Variants in TPRG1 observed in about 807,000 individuals in gnomAD.
The protein encoded by TPRG1 is tumor protein p63 regulated 1, also known as tumor protein p63-regulated gene 1 protein.
TPRG1 carries 29 observed loss-of-function variants against 29.3 expected under a neutral mutation model. That is an observed-to-expected ratio of 0.99 (90% CI 0.74 to 1.35). The LOEUF is 1.35. TPRG1 is among the 40% of genes most tolerant of loss of function. The pLI is 0.00. For synonymous variants in TPRG1, 130 were observed against 116.8 expected, an observed-to-expected ratio of 1.11 and a Z score of -0.73; for missense variants, 327 against 335.0, an observed-to-expected ratio of 0.98 and a Z score of 0.19.
At chr3:189,127,653 G>A (rs1722640004) in intron 2 of TPRG1, among the ~76,000 whole-genome samples, 3 of 152,146 alleles carry the variant, frequency 2.0e-5, no homozygotes, top group Non-Finnish European at 4.4e-5. Context: ...AGGTCTTAAG[G>A]TCTTTTTATA....
upstream of TPRG1, among the ~76,000 whole-genome samples, chr3:189,097,974 C>T (rs113127453): frequency 2.0e-5 from 3 of 152,294 alleles, no homozygotes; most frequent in African/African-American, 7.2e-5. Context: ...TGTACTAGAT[C>T]TATACCGAAG....
intron 1 of TPRG1, among the ~76,000 whole-genome samples, chr3:189,191,770 C>A (rs1347002064): frequency 6.6e-6 from 1 of 152,170 alleles, no homozygotes; most frequent in Non-Finnish European, 1.5e-5. Flanking sequence ...TCTTGTTCCA[C>A]CCCTTTTGAA....
chr3:189,139,251 T>C (rs960692311), intron 3 of TPRG1, among the ~76,000 whole-genome samples: 6 of 152,200 alleles, frequency 3.9e-5, no homozygotes, highest in South Asian at 4.1e-4. Flanking sequence ...AAGAGATGCA[T>C]CTGCCACTGA....
chr3:189,204,947 T>TCTCTCACACACACA lies in TPRG1; in HGVS notation c.-9-2428_-9-2427insTCTCACACACACAC, dbSNP rs766857963. Among the ~76,000 whole-genome samples, 4 of 147,178 alleles carry TCTCTCACACACACA rather than the reference T, an allele frequency of 2.7e-5. No homozygotes were observed. In the South Asian group the frequency reaches 6.7e-4, roughly 24 times the overall value. On this transcript the variant is annotated intron_variant, in intron 1 of 5. Coordinates refer to ENST00000345063, the MANE Select transcript of TPRG1 (RefSeq NM_198485.4). ...CTGTCTCTATGTCTCTCTCTCTCTCTCACACACACACACACACACACACAC... is the reference window on the plus strand; with the variant it reads ...CTGTCTCTATGTCTCTCTCTCTCTCTCTCTCACACACACACACACACACACACACACACACACAC...
chr3:189,087,566 C>T (rs931051873), intron 4 of TPRG1, among the ~76,000 whole-genome samples: 3 of 152,206 alleles, frequency 2.0e-5, no homozygotes, highest in Non-Finnish European at 4.4e-5. Context: ...GTGTTTTAGA[C>T]ATTAAGTACT....
intron 4 of TPRG1, among the ~76,000 whole-genome samples, chr3:189,240,973 C>T (rs1401813255): frequency 1.3e-5 from 2 of 152,026 alleles, no homozygotes; most frequent in African/African-American, 4.8e-5. Flanking sequence ...AGAATATTAC[C>T]TCTTAAGCTT....
chr3:189,032,962 G>A (rs1714022016), intron 4 of TPRG1, among the ~76,000 whole-genome samples: 1 of 151,914 alleles, frequency 6.6e-6, no homozygotes, highest in Admixed American at 6.6e-5. Context: ...ATTCCATGGT[G>A]TATATGTGCC....
At chr3:189,085,606 A>G (rs950010664) in intron 4 of TPRG1, among the ~76,000 whole-genome samples, 9 of 152,100 alleles carry the variant, frequency 5.9e-5, no homozygotes, top group African/African-American at 1.9e-4. Flanking sequence ...TCTTAACATG[A>G]GCTAATAACT....
intron 4 of TPRG1, among the ~76,000 whole-genome samples, chr3:189,061,610 AT>A (rs752918595): frequency 3.3e-5 from 5 of 151,904 alleles, no homozygotes; most frequent in Admixed American, 6.5e-5. Flanking sequence ...AAACAATCAC[AT>A]TAAAAAGTGG....
intron 4 of TPRG1, among the ~76,000 whole-genome samples, chr3:189,067,792 G>A (rs1392049046): frequency 6.6e-6 from 1 of 152,126 alleles, no homozygotes; most frequent in Non-Finnish European, 1.5e-5. Flanking sequence ...CAACCCATAA[G>A]CACAGGTAGT....
intron 1 of TPRG1, among the ~76,000 whole-genome samples, chr3:189,191,445 TTC>T (rs1426243773): frequency 6.6e-6 from 1 of 152,218 alleles, no homozygotes; most frequent in East Asian, 1.9e-4. Flanking sequence ...CTTTTGCCTT[TTC>T]TCTCTCCCTG....
intron 4 of TPRG1, among the ~76,000 whole-genome samples, chr3:189,256,151 G>A (rs766515160): frequency 6.6e-6 from 1 of 152,174 alleles, no homozygotes; most frequent in East Asian, 1.9e-4. Context: ...TGGGCATTTA[G>A]TGCTATAAAT....
intron 4 of TPRG1, among the ~76,000 whole-genome samples, chr3:189,252,228 C>A (rs1272979420): frequency 2.6e-5 from 4 of 152,058 alleles, no homozygotes; most frequent in African/African-American, 9.7e-5. Context: ...AGATTAACAG[C>A]ATCTCAAGGC....
At chr3:189,116,087 A>G (rs186451807) in intron 1 of TPRG1, among the ~76,000 whole-genome samples, 5 of 152,264 alleles carry the variant, frequency 3.3e-5, no homozygotes, top group Middle Eastern at 3.4e-3. Flanking sequence ...TGGTTTCTCA[A>G]AAAATTCAAA....
chr3:189,240,300 C>G (rs1740325427), intron 4 of TPRG1: 1 of 151,990 alleles, frequency 6.6e-6, no homozygotes, highest in African/African-American at 2.4e-5. Context: ...TTCAGGAACT[C>G]TCTCTTCTAC....
At chr3:189,258,589 G>T (rs1712352963) in intron 4 of TPRG1, among the ~76,000 whole-genome samples, 1 of 152,158 alleles carries the variant, frequency 6.6e-6, no homozygotes, top group South Asian at 2.1e-4. Context: ...CAAGTCTGCT[G>T]AAACTGTGCC....
At position 189,158,615 on chromosome 3, in the gene TPRG1, T is replaced by TA. The variant is rs200951915; in HGVS notation, c.-10+7752dup. ...CAAAGTAATACTCCATCTCAAAAAA[T>TA]AAAAAAAAATAATAAGTAAATAAAT... is the stretch of plus-strand genomic sequence containing the variant. On this transcript the variant is annotated intron_variant, in intron 5 of 6. Transcript: ENST00000412373. Among the ~76,000 whole-genome samples the TA allele has an allele frequency of 3.5e-4, 52 of 150,278 alleles. 2 individuals are homozygous for TA. The South Asian group carries it at 6.8e-3, about 20-fold the overall frequency.
chr3:189,238,751 T>C lies in TPRG1; in HGVS notation c.321T>C (p.Asn107=), dbSNP rs750221719. ...WLLTKIDHWN[N]EKERILLVTD... Reference sequence around the variant, plus strand: ...CCTATAGGATAGACCACTGGAACAATGAGAAGGAGAGAATTCTACTGGTCA... The same window carrying C: ...CCTATAGGATAGACCACTGGAACAACGAGAAGGAGAGAATTCTACTGGTCA... The change falls in exon 4 of 6, where the codon AAT becomes AAC. Residue 107 remains asparagine (N), a synonymous_variant. Transcript: ENST00000345063. The C allele has an allele frequency of 1.2e-6, 2 of 1,611,052 alleles. No homozygotes were observed. The highest frequency in any genetic ancestry group is 1.7e-5 in the Admixed American group (1 of 59,852).
At chr3:189,072,006 A>G (rs967820017) in intron 4 of TPRG1, among the ~76,000 whole-genome samples, 42 of 152,294 alleles carry the variant, frequency 2.8e-4, no homozygotes, top group African/African-American at 9.4e-4. Flanking sequence ...CATTTAGTTG[A>G]GAAGTAGTAA....
Sources: gnomAD v4.1 joint callset for allele counts (sites outside exome capture counted in the v4.1 genomes callset) on GRCh38, gnomAD v4.1.1 for gene constraint, MANE v1.5 for transcripts, NCBI Gene and HGNC (gene_info 2026-07-23, HGNC 2026-07-21) for gene names.